The following PSMD1 variants were observed in gnomAD, a reference collection of about 807,000 sequenced individuals.
PSMD1 encodes proteasome 26S subunit, non-ATPase 1.
Under a neutral mutation model 119.0 loss-of-function variants are expected in PSMD1, and 18 were observed. The ratio of observed to expected loss-of-function variants is 0.15; its 90% CI spans 0.10 to 0.22. The LOEUF (loss-of-function observed/expected upper bound fraction) is 0.22. Among genes scored for constraint, PSMD1 ranks in the 10% least tolerant of loss-of-function variants. The probability of loss-of-function intolerance (pLI) is 1.00; values close to 1 mark genes in which losing one functional copy is unlikely to be tolerated. For missense variants in PSMD1, 702 were observed against 1,158.5 expected (o/e 0.61, Z 5.72); for synonymous variants, 374 against 396.6 (o/e 0.94, Z 0.68).
intron 17 of PSMD1, among the ~76,000 whole-genome samples, chr2:231,141,265 A>G (rs1047237025): frequency 6.6e-6 from 1 of 150,914 alleles, no homozygotes; most frequent in African/African-American, 2.4e-5. Context: ...GGTCCACTGC[A>G]CTCCAGCCTG....
At chr2:231,163,099 T>TAA in intron 20 of PSMD1, 1 of 118,100 alleles carries the variant, frequency 8.5e-6, no homozygotes, top group African/African-American at 3.3e-5. Flanking sequence ...AAACTCCGTC[T>TAA]CAAAAAAAAA....
In PSMD1 at chr2:231,061,272, A is replaced by C. The variant is rs774038403; in HGVS notation, c.22A>C (p.Ile8Leu). The change falls in exon 2 of 25, where the codon ATT (isoleucine) becomes CTT (leucine). Residue 8 changes from isoleucine to leucine, a missense_variant. Coordinates refer to ENST00000308696, the MANE Select transcript of PSMD1 (RefSeq NM_002807.4). MITSAAG[I>L]ISLLDEDEPQ... Reference sequence around the variant, plus strand: ...TTACATCTTTTTTCTCATAGCTGGAATTATTTCTCTTCTGGATGAAGATGA... The same window carrying C: ...TTACATCTTTTTTCTCATAGCTGGACTTATTTCTCTTCTGGATGAAGATGA... The C allele has an allele frequency of 6.3e-7, 1 of 1,593,812 alleles. No individual in the cohort carries two copies. Among genetic ancestry groups the C allele is most frequent in the South Asian group, 1.1e-5 (1 of 89,566 alleles).
intron 6 of PSMD1, among the ~76,000 whole-genome samples, chr2:231,071,194 CT>C (rs544368679): frequency 2.1e-4 from 32 of 151,872 alleles, no homozygotes; most frequent in Non-Finnish European, 4.6e-4. Context: ...TAGTAGTTCC[CT>C]GCCCTCTTCC....
Position 231,082,867 on chromosome 2 carries a change from T to C in PSMD1, c.1414-16T>C, listed in dbSNP as rs563276306. 28 of 1,587,470 alleles carry C rather than the reference T, an allele frequency of 1.8e-5. No homozygotes were observed. Among genetic ancestry groups the C allele is most frequent in the African/African-American group, 1.7e-4 (13 of 74,392 alleles). ...TACAGTGTACCAAATCAATGGAATC[T>C]ATGTTTTTTCCTTAGATCGTTAGAC... On this transcript the variant is annotated splice_polypyrimidine_tract_variant and intron_variant, in intron 12 of 24. Transcript: ENST00000308696.
At chr2:231,159,810 A>T (rs536949231) in intron 19 of PSMD1, among the ~76,000 whole-genome samples, 1 of 152,176 alleles carries the variant, frequency 6.6e-6, no homozygotes, top group Admixed American at 6.5e-5. Flanking sequence ...TTTTTTTTCT[A>T]CGACGGGGGT....
intron 7 of PSMD1, among the ~76,000 whole-genome samples, chr2:231,075,263 G>A (rs540472912): frequency 1.9e-4 from 29 of 152,190 alleles, no homozygotes; most frequent in East Asian, 3.9e-4. Context: ...ATATTTTGTC[G>A]CCTGTTCTTG....
intron 19 of PSMD1, among the ~76,000 whole-genome samples, chr2:231,156,395 G>T (rs893809848): frequency 6.6e-6 from 1 of 151,924 alleles, no homozygotes; most frequent in Non-Finnish European, 1.5e-5. Context: ...TCTTTATGTT[G>T]TACATTTTAT....
Position 231,061,290 on chromosome 2 carries a change from G to T in PSMD1, c.40G>T (p.Glu14Ter). Residue 14 changes from glutamate to a stop codon, truncating the protein, a stop_gained, in exon 2 of 25, where the codon GAA becomes TAA. Coordinates refer to ENST00000308696, the MANE Select transcript of PSMD1 (RefSeq NM_002807.4). LOFTEE classifies it high-confidence loss of function. ...AGCTGGAATTATTTCTCTTCTGGAT[G>T]AAGATGAACCACAGCTTAAGGTATG... ...SAAGIISLLD[E>*]DEPQLKEFAL... The T allele has an allele frequency of 6.3e-7, 1 of 1,597,676 alleles. No homozygotes were observed. The highest frequency in any genetic ancestry group is 1.1e-5 in the South Asian group (1 of 89,962).
chr2:231,113,666 TCTC>T (rs1357017487), intron 16 of PSMD1: 2 of 1,427,942 alleles, frequency 1.4e-6, no homozygotes, highest in Admixed American at 1.7e-5. Context: ...GACCTGGTAT[TCTC>T]CTAGCCAAGT....
chr2:231,150,798 T>A (rs1375055886), intron 18 of PSMD1, among the ~76,000 whole-genome samples: 1 of 152,116 alleles, frequency 6.6e-6, no homozygotes, highest in Non-Finnish European at 1.5e-5. Context: ...AAATATAATT[T>A]CACAGACAAA....
chr2:231,161,606 G>A, intron 20 of PSMD1, 97 bp downstream of exon 20: 1 of 1,271,940 alleles, frequency 7.9e-7, no homozygotes, highest in Non-Finnish European at 1.1e-6. Flanking sequence ...AAATTTTAAA[G>A]ATGAGTTAAC....
intron 13 of PSMD1, 67 bp from the exon 14 acceptor site, chr2:231,083,500 T>G: frequency 6.5e-7 from 1 of 1,531,370 alleles, no homozygotes; most frequent in Non-Finnish European, 9.0e-7. Flanking sequence ...AGTGCTACTT[T>G]CAGTTGGATG....
intron 16 of PSMD1, among the ~76,000 whole-genome samples, chr2:231,110,317 C>T (rs1351377962): frequency 1.3e-5 from 2 of 151,866 alleles, no homozygotes; most frequent in Admixed American, 1.3e-4. Flanking sequence ...AAGACTCTGT[C>T]TCAAAAAAAA....
chr2:231,149,722 T>G (rs1429513836), intron 18 of PSMD1, among the ~76,000 whole-genome samples: 1 of 152,188 alleles, frequency 6.6e-6, no homozygotes, highest in Non-Finnish European at 1.5e-5. Context: ...CATAACACAT[T>G]TGTAAGTAGT....
intron 16 of PSMD1, chr2:231,109,473 C>A: frequency 7.3e-7 from 1 of 1,362,654 alleles, no homozygotes; most frequent in East Asian, 2.3e-5. Context: ...CGATTAGATC[C>A]TTTTGGATTG....
intron 18 of PSMD1, among the ~76,000 whole-genome samples, chr2:231,151,612 T>A (rs1419994680): frequency 6.6e-6 from 1 of 152,114 alleles, no homozygotes; most frequent in Non-Finnish European, 1.5e-5. Context: ...ATTTTAAATT[T>A]AAATTTTCCC....
At chr2:231,074,879 G>A (rs188723220) in intron 7 of PSMD1, among the ~76,000 whole-genome samples, 2 of 152,090 alleles carry the variant, frequency 1.3e-5, no homozygotes, top group Admixed American at 1.3e-4. Context: ...CCCAGGCTAG[G>A]GTGCAGTGGT....
intron 16 of PSMD1, among the ~76,000 whole-genome samples, chr2:231,117,848 G>A (rs1695395804): frequency 6.6e-6 from 1 of 152,086 alleles, no homozygotes; most frequent in East Asian, 1.9e-4. Context: ...AAAGAATACT[G>A]AGTTCTAACT....
intron 17 of PSMD1, among the ~76,000 whole-genome samples, chr2:231,140,814 G>T (rs1000855401): frequency 4.6e-5 from 7 of 152,206 alleles, no homozygotes; most frequent in East Asian, 1.9e-4. Context: ...GGAGGTGGAG[G>T]TTCCAGTAAG....
Sources: gnomAD v4.1 joint callset for allele counts (sites outside exome capture counted in the v4.1 genomes callset) on GRCh38, gnomAD v4.1.1 for gene constraint, MANE v1.5 for transcripts, NCBI Gene and HGNC (gene_info 2026-07-23, HGNC 2026-07-21) for gene names.